AXDND1: variants seen among roughly 807,000 people sequenced by gnomAD.
The protein encoded by AXDND1 is axonemal dynein light chain domain-containing protein 1.
In AXDND1, 110 loss-of-function variants were observed where a neutral mutation model predicts 137.5. The observed-to-expected ratio is 0.80, with a 90% CI of 0.69 to 0.94. The LOEUF (loss-of-function observed/expected upper bound fraction) is 0.94. AXDND1 is among the 40% of genes least tolerant of loss of function. The pLI, the probability that AXDND1 is intolerant of heterozygous loss-of-function variation, is 0.00. For missense variants in AXDND1, 1,191 were observed against 1,169.8 expected (o/e 1.02, Z -0.26); for synonymous variants, 414 against 399.7 (o/e 1.04, Z -0.43).
intron 21 of AXDND1, among the ~76,000 whole-genome samples, chr1:179,522,608 A>G (rs1411508368): frequency 2.0e-5 from 3 of 151,930 alleles, no homozygotes; most frequent in Middle Eastern, 3.2e-3. Context: ...ATAATCCATG[A>G]TATATTATTG....
intron 4 of AXDND1, among the ~76,000 whole-genome samples, chr1:179,374,214 A>G (rs1357383169): frequency 6.6e-6 from 1 of 152,264 alleles, no homozygotes; most frequent in Non-Finnish European, 1.5e-5. Context: ...GCCAACAGAC[A>G]CATGAAAAAA....
At chr1:179,485,912 G>A (rs1327595438) in intron 18 of AXDND1, among the ~76,000 whole-genome samples, 2 of 152,026 alleles carry the variant, frequency 1.3e-5, no homozygotes. Context: ...GAGGTCAGGA[G>A]TTCGAGACCA....
intron 21 of AXDND1, among the ~76,000 whole-genome samples, chr1:179,522,192 G>T (rs1670125020): frequency 6.6e-6 from 1 of 151,878 alleles, no homozygotes; most frequent in Non-Finnish European, 1.5e-5. Context: ...CTATTTCTCT[G>T]CATTGCATCC....
At chr1:179,550,988 T>C in intron 25 of AXDND1, 1 of 693,216 alleles carries the variant, frequency 1.4e-6, no homozygotes, top group Non-Finnish European at 2.4e-6. Flanking sequence ...ACATGTTGTC[T>C]GCCTTCTCTG....
chr1:179,545,284 C>A (rs1291289358), intron 25 of AXDND1: 1 of 152,166 alleles, frequency 6.6e-6, no homozygotes, highest in Non-Finnish European at 1.5e-5. Context: ...GAATTTTAGA[C>A]CTTTACCTGT....
chr1:179,486,073 C>T (rs894674532), intron 18 of AXDND1, among the ~76,000 whole-genome samples: 7 of 141,538 alleles, frequency 4.9e-5, no homozygotes, highest in South Asian at 2.3e-4. Context: ...GAGCCAAGAT[C>T]GTGCCATTGC....
Position 179,369,962 on chromosome 1 carries a change from T to C in AXDND1, c.271-13T>C. 1 of 1,594,624 alleles carries C rather than the reference T, an allele frequency of 6.3e-7. No homozygotes were observed. Among genetic ancestry groups the C allele is most frequent in the Non-Finnish European group, 8.6e-7 (1 of 1,162,804 alleles). ...CCTCTGCTGGATATTCATGTGTATT[T>C]GCTTTTTCCCAGGGCACTCTTCCAC... On this transcript the variant is annotated splice_polypyrimidine_tract_variant and intron_variant, in intron 3 of 25. Coordinates refer to ENST00000367618, the MANE Select transcript of AXDND1 (RefSeq NM_144696.6).
intron 20 of AXDND1, among the ~76,000 whole-genome samples, chr1:179,497,629 T>C (rs1191526990): frequency 6.6e-6 from 1 of 152,108 alleles, no homozygotes; most frequent in African/African-American, 2.4e-5. Flanking sequence ...TTACTATTCC[T>C]ATTCAACATA....
intron 17 of AXDND1, among the ~76,000 whole-genome samples, chr1:179,472,499 T>G (rs1664081037): frequency 6.6e-6 from 1 of 152,196 alleles, no homozygotes; most frequent in Middle Eastern, 3.2e-3. Flanking sequence ...GTTCTAGAGA[T>G]GTCTGGTCTA....
chr1:179,468,233 G>A (rs983999791), intron 16 of AXDND1, among the ~76,000 whole-genome samples: 12 of 152,138 alleles, frequency 7.9e-5, no homozygotes, highest in African/African-American at 2.4e-4. Flanking sequence ...AAAATAATTT[G>A]TTAGTCATTA....
intron 12 of AXDND1, among the ~76,000 whole-genome samples, chr1:179,417,624 TA>T (rs1654899128): frequency 6.6e-6 from 1 of 152,228 alleles, no homozygotes. Context: ...GGCTTTGTAC[TA>T]AATTTTGAAG....
chr1:179,549,838 G>A (rs1417118209), intron 25 of AXDND1, among the ~76,000 whole-genome samples: 1 of 151,924 alleles, frequency 6.6e-6, no homozygotes, highest in African/African-American at 2.4e-5. Flanking sequence ...CCCTTTAAAT[G>A]GGCTAAACCA....
intron 16 of AXDND1, chr1:179,450,632 G>A (rs1660426682): frequency 6.6e-6 from 1 of 152,128 alleles, no homozygotes; most frequent in Non-Finnish European, 1.5e-5. Context: ...ATATTACATT[G>A]ATTTTTGGAT....
intron 21 of AXDND1, among the ~76,000 whole-genome samples, chr1:179,518,996 A>G (rs1669806708): frequency 6.6e-6 from 1 of 151,902 alleles, no homozygotes; most frequent in South Asian, 2.1e-4. Flanking sequence ...ACTAATTTAC[A>G]CTCCCACCAC....
intron 17 of AXDND1, among the ~76,000 whole-genome samples, chr1:179,473,366 T>C (rs950118900): frequency 1.3e-5 from 2 of 151,772 alleles, no homozygotes; most frequent in Non-Finnish European, 2.9e-5. Context: ...GGTGTGGTGG[T>C]GGGTGCCTGT....
rs376102035 is a variant in AXDND1 at position 179,519,873 on chromosome 1, C to T, written c.2497-5461C>T. Among the ~76,000 whole-genome samples, 29 of 152,172 alleles carry T rather than the reference C, an allele frequency of 1.9e-4. No individual in the cohort carries two copies. In the South Asian group the frequency reaches 5.8e-3, roughly 31 times the overall value. On this transcript the variant is annotated intron_variant, in intron 21 of 25. Coordinates refer to ENST00000367618, the MANE Select transcript of AXDND1 (RefSeq NM_144696.6). The stretch of plus-strand genomic sequence containing the variant: ...TAGGATTGCCTCACTGTTCAGGCTT[C>T]TTCTTGATTCCTTATGAATTTTAAA...
chr1:179,427,752 A>G (rs536746513), intron 12 of AXDND1, among the ~76,000 whole-genome samples: 8 of 152,318 alleles, frequency 5.3e-5, no homozygotes, highest in African/African-American at 1.2e-4. Context: ...AAACAGTACT[A>G]TCATTACCCA....
chr1:179,491,705 G>A lies in AXDND1; in HGVS notation c.2259G>A (p.Arg753=). 1 of 1,586,652 alleles carries A rather than the reference G, an allele frequency of 6.3e-7. No individual in the cohort carries two copies. Among genetic ancestry groups the A allele is most frequent in the South Asian group, 1.2e-5 (1 of 85,422 alleles). ...RLELDAIELT[R]KLYQYSSYLS... ...AGCTAGATGCGATTGAACTGACAAG[G>A]AAGTTGTACCAATACTCCAGCTATT... The change falls in exon 19 of 26, where the codon AGG becomes AGA. Residue 753 remains arginine (R), a synonymous_variant. Transcript: ENST00000367618.
chr1:179,421,013 G>A (rs12749731), intron 12 of AXDND1, among the ~76,000 whole-genome samples: 97,178 of 151,118 alleles, frequency 0.64, 31,642 homozygotes, highest in Middle Eastern at 0.71. Context: ...CTTCTTTTTC[G>A]TTTCTTATTC....
Sources: allele counts gnomAD v4.1 joint callset (sites outside exome capture counted in the v4.1 genomes callset), GRCh38; gene constraint gnomAD v4.1.1; transcripts MANE v1.5; gene names NCBI Gene and HGNC (gene_info 2026-07-23, HGNC 2026-07-21).